Variants in FN1 observed in about 807,000 individuals in gnomAD.
FN1 encodes the protein fibronectin.
A neutral mutation model predicts 297.3 loss-of-function variants in FN1; 106 were observed. That is an observed-to-expected ratio of 0.36 (90% CI 0.30 to 0.42). The LOEUF is 0.42. Among genes scored for constraint, FN1 ranks in the 10% least tolerant of loss-of-function variants. The probability of loss-of-function intolerance (pLI) is 1.00; values close to 1 mark genes in which losing one functional copy is unlikely to be tolerated. For synonymous variants in FN1, 1,149 were observed against 1,152.6 expected (o/e 1.00, Z 0.06); for missense variants, 2,690 against 3,124.9 (o/e 0.86, Z 3.32).
chr2:215,379,057 A>G, intron 34 of FN1, 73 bp downstream of exon 34: 1 of 1,274,248 alleles, frequency 7.8e-7, no homozygotes, highest in Admixed American at 1.7e-5. Flanking sequence ...ATGATATTAT[A>G]TTTTCACCAC....
rs767378967 is a variant in FN1, at chr2:215,425,221, A to G, written c.909T>C (p.Pro303=). The part of the protein sequence containing the change: ...VYQPQPHPQP[P]PYGHCVTDSG... Reference sequence around the variant, plus strand: ...TGTCTGTGACACAGTGGCCATAGGGAGGAGGCTGGGGGTGAGGCTGCGGTT... The same window carrying G: ...TGTCTGTGACACAGTGGCCATAGGGGGGAGGCTGGGGGTGAGGCTGCGGTT... The change falls in exon 7 of 46, where the codon CCT becomes CCC. Residue 303 remains proline, a synonymous_variant. Transcript: ENST00000354785. 6.2e-7 allele frequency: 1 copy of G among 1,614,128 alleles called. No individual in the cohort carries two copies. The highest frequency in any genetic ancestry group is 1.1e-5 in the South Asian group (1 of 91,078).
intron 33 of FN1, 35 bp downstream of exon 33, chr2:215,380,776 C>A: frequency 6.2e-7 from 1 of 1,611,562 alleles, no homozygotes; most frequent in South Asian, 1.1e-5. Flanking sequence ...AGCCGCTGCT[C>A]CCATGGGCAC....
intron 20 of FN1, among the ~76,000 whole-genome samples, chr2:215,401,274 AAGGAAAGGAAGAAAAGAGAGAGAG>A (rs2061113813): frequency 1.2e-5 from 1 of 82,596 alleles, no homozygotes; most frequent in African/African-American, 5.5e-5. Context: ...AAGGAAAGGA[AAGGAAAGGAAGAAAAGAGAGAGAG>A]AGAAAGGAAG....
At position 215,372,166 on chromosome 2, in the gene FN1, G is replaced by GCA. The variant is rs1178145630; in HGVS notation, c.6456_6457insTG (p.Pro2153CysfsTer9). The GCA allele has an allele frequency of 2.5e-6, 4 of 1,614,114 alleles. No individual in the cohort carries two copies. In the Admixed American group the frequency reaches 6.7e-5, roughly 27 times the overall value. On this transcript the variant is annotated frameshift_variant, in exon 40 of 46. Transcript: ENST00000354785. LOFTEE classifies it high-confidence loss of function. ...CTTATGGGGGTGGCCGTTGTGGGCG[G>GCA]TGTGGTCCGCCTAAAACCATGTTCC... is the stretch of plus-strand genomic sequence containing the variant.
At chr2:215,401,247 A>AAGGAAGGAAGGAAGGAAGGAAGG (rs1559475686) in intron 20 of FN1, among the ~76,000 whole-genome samples, 9 of 80,134 alleles carry the variant, frequency 1.1e-4, no homozygotes, top group Admixed American at 2.8e-4. Context: ...AGAAAGAAAG[A>AAGGAAGGAAGGAAGGAAGGAAGG]AAGGAAGAAA....
intron 25 of FN1, 24 bp downstream of exon 25, chr2:215,392,907 A>AACGCAG (rs1559438729): frequency 6.2e-7 from 1 of 1,612,146 alleles, no homozygotes. Flanking sequence ...CTATGTCTCA[A>AACGCAG]ACGCAGAAGT....
chr2:215,388,160 C>G, intron 27 of FN1, 52 bp downstream of exon 27: 2 of 1,285,212 alleles, frequency 1.6e-6, no homozygotes, highest in Non-Finnish European at 2.3e-6. Context: ...ATTTGTTATA[C>G]AGAATTGATA....
Position 215,392,932 on chromosome 2 carries a change from CGTTT to C in FN1, c.4064_4067del (p.Gln1355ArgfsTer31). ...AACGCAGAAGTTTTCAAAATTCACC[CGTTT>C]GTTGTGTCAGTGTAGTAGGGGCACT... On this transcript the variant is annotated frameshift_variant and splice_region_variant, in exon 25 of 46. Transcript: ENST00000354785. LOFTEE classifies it high-confidence loss of function. 2 of 1,612,354 alleles carry C rather than the reference CGTTT, an allele frequency of 1.2e-6. No homozygotes were observed. Among genetic ancestry groups the C allele is most frequent in the Non-Finnish European group, 1.7e-6 (2 of 1,179,980 alleles).
chr2:215,370,010 G>A (rs1366778890), intron 41 of FN1, among the ~76,000 whole-genome samples: 1 of 152,204 alleles, frequency 6.6e-6, no homozygotes, highest in Non-Finnish European at 1.5e-5. Flanking sequence ...TAAGGACTCA[G>A]AGTGTTGTAC....
Position 215,375,692 on chromosome 2 carries a change from T to A in FN1, c.5914A>T (p.Ile1972Phe), listed in dbSNP as rs1048493847. Residue 1972 changes from isoleucine (I) to phenylalanine (F), a missense_variant, in exon 37 of 46, where the codon ATC (isoleucine) becomes TTC (phenylalanine). Physicochemically the swap from Ile to Phe is conservative, Grantham distance 21 (BLOSUM62 0). This residue lies in a region of FN1 where 1,743 missense variants were observed against 1,945.2 expected (regional missense o/e 0.90). Coordinates refer to ENST00000354785, the MANE Select transcript of FN1 (RefSeq NM_212482.4). Reference sequence around the variant, plus strand: ...TTGTCATTCAAGGTGTACAGGTAGATCTTGTAGTCAGTGCCTGGTTGTAAA... The same window carrying A: ...TTGTCATTCAAGGTGTACAGGTAGAACTTGTAGTCAGTGCCTGGTTGTAAA... ...TGLQPGTDYK[I>F]YLYTLNDNAR... 1 of 1,612,552 alleles carries A rather than the reference T, an allele frequency of 6.2e-7. No individual in the cohort carries two copies. The highest frequency in any genetic ancestry group is 8.5e-7 in the Non-Finnish European group (1 of 1,178,556).
At chr2:215,435,175 C>A (rs1000515708) in intron 1 of FN1, among the ~76,000 whole-genome samples, 2 of 152,106 alleles carry the variant, frequency 1.3e-5, no homozygotes, top group African/African-American at 2.4e-5. Context: ...GTATCCTGAG[C>A]GGCCCTAAAG....
intron 25 of FN1, 55 bp from the exon 26 acceptor site, chr2:215,391,869 A>T: frequency 6.7e-7 from 1 of 1,491,366 alleles, no homozygotes; most frequent in Non-Finnish European, 9.4e-7. Flanking sequence ...ATTAAAGCTA[A>T]CGAAGTAGCT....
intron 33 of FN1, chr2:215,380,335 T>TG: frequency 5.7e-6 from 1 of 176,640 alleles, no homozygotes; most frequent in South Asian, 1.3e-4. Flanking sequence ...ATTTCCTAGG[T>TG]GTCTAAATCA....
intron 33 of FN1, 100 bp downstream of exon 33, chr2:215,380,711 C>G: frequency 7.5e-7 from 1 of 1,337,954 alleles, no homozygotes; most frequent in Non-Finnish European, 1.1e-6. Context: ...TTCTTTTTCA[C>G]CCTTACACGG....
chr2:215,391,653 C>G lies in FN1; in HGVS notation c.4231G>C (p.Asp1411His). 6.2e-7 allele frequency: 1 copy of G among 1,613,998 alleles called. No homozygotes were observed. The highest frequency in any genetic ancestry group is 8.5e-7 in the Non-Finnish European group (1 of 1,179,874). ...TTACTTGTTAAGACCACTGCATTGTCTGAAGGAGAAATTGACAACTCTGCA... is the reference window on the plus strand; with the variant it reads ...TTACTTGTTAAGACCACTGCATTGTGTGAAGGAGAAATTGACAACTCTGCA... ...DVAELSISPS[D>H]NAVVLTNLLP... Residue 1411 changes from aspartate to histidine, a missense_variant, in exon 26 of 46, where the codon GAC (aspartate) becomes CAC (histidine). Asp to His is a moderately conservative substitution (Grantham distance 81, BLOSUM62 -1). This residue lies in a region of FN1 where 1,743 missense variants were observed against 1,945.2 expected (regional missense o/e 0.90). Transcript: ENST00000354785.
At chr2:215,361,669 T>A (rs777238193) in intron 45 of FN1, 43 bp from the exon 46 acceptor site, 2 of 1,433,418 alleles carry the variant, frequency 1.4e-6, no homozygotes, top group African/African-American at 2.8e-5. Flanking sequence ...TGGCAAATAC[T>A]GTAAAGTGTA....
In FN1 at chr2:215,414,880, G is replaced by A; in HGVS notation, c.1898C>T (p.Pro633Leu). Residue 633 changes from proline (P) to leucine (L), a missense_variant, in exon 13 of 46, where the codon CCA (proline) becomes CTA (leucine). Around this residue, in one of 3 missense-constraint regions of FN1, gnomAD observed 876 missense variants for 1,058.1 expected, o/e 0.83. Coordinates refer to ENST00000354785, the MANE Select transcript of FN1 (RefSeq NM_212482.4). ...GTACTTGGAAATGTGAGATGGCTGTGGTGCATTCCACTGGATGGGGTGGGA... is the reference window on the plus strand; with the variant it reads ...GTACTTGGAAATGTGAGATGGCTGTAGTGCATTCCACTGGATGGGGTGGGA... ...PNSHPIQWNA[P>L]QPSHISKYIL... 1 of 1,613,540 alleles carries A rather than the reference G, an allele frequency of 6.2e-7. No homozygotes were observed.
At chr2:215,432,110 C>A (rs1476244471) in intron 3 of FN1, 146 bp from the exon 4 acceptor site, 12 of 871,450 alleles carry the variant, frequency 1.4e-5, no homozygotes, top group Non-Finnish European at 2.2e-5. Flanking sequence ...GAAACGTTAA[C>A]AGGTCTGGTC....
intron 15 of FN1, among the ~76,000 whole-genome samples, chr2:215,408,793 C>A (rs2062149446): frequency 1.3e-5 from 2 of 152,244 alleles, no homozygotes; most frequent in Middle Eastern, 6.8e-3. Flanking sequence ...TGATCTCGAA[C>A]TCCTGGCCTC....
Sources: gnomAD v4.1 joint callset for allele counts (sites outside exome capture counted in the v4.1 genomes callset) on GRCh38, gnomAD v4.1.1 for gene constraint, gnomAD v4.1.1 regional missense constraint, MANE v1.5 for transcripts, NCBI Gene and HGNC (gene_info 2026-07-23, HGNC 2026-07-21) for gene names.